ZNF276: variants seen among roughly 807,000 people sequenced by gnomAD.
ZNF276 encodes the protein zinc finger protein 276.
A neutral mutation model predicts 63.9 loss-of-function variants in ZNF276; 59 were observed. The ratio of observed to expected loss-of-function variants is 0.92; its 90% CI spans 0.75 to 1.15. The LOEUF is 1.15. ZNF276 is among the 50% of genes most tolerant of loss of function. The pLI is 0.00. For missense variants in ZNF276, 1,084 were observed against 843.8 expected (o/e 1.28, Z -3.53); for synonymous variants, 496 against 348.4 (o/e 1.42, Z -4.72).
intron 6 of ZNF276, chr16:89,731,841 A>G (rs1261028531): frequency 6.6e-6 from 1 of 152,234 alleles, no homozygotes; most frequent in Non-Finnish European, 1.5e-5. Flanking sequence ...ATAATTAATT[A>G]GGGTTTTTTG....
At chr16:89,724,708 G>A (rs1005282008) in intron 4 of ZNF276, among the ~76,000 whole-genome samples, 1 of 152,158 alleles carries the variant, frequency 6.6e-6, no homozygotes, top group East Asian at 1.9e-4. Flanking sequence ...GAGACAGTGC[G>A]GCTCGGGGGC....
chr16:89,720,877 A>G, upstream of ZNF276: 1 of 1,349,054 alleles, frequency 7.4e-7, no homozygotes, highest in Non-Finnish European at 9.5e-7. Flanking sequence ...CGAGCGGGGG[A>G]GGCGGCGGCG....
At chr16:89,734,076 C>G (rs1213205076) in intron 9 of ZNF276, 38 bp downstream of exon 9, 1 of 1,581,316 alleles carries the variant, frequency 6.3e-7, no homozygotes, top group Non-Finnish European at 8.7e-7. Context: ...CGGGTGACAG[C>G]CAGGGGCACG....
intron 9 of ZNF276, among the ~76,000 whole-genome samples, chr16:89,734,296 C>G (rs72807545): frequency 0.024 from 3,580 of 151,262 alleles, 76 homozygotes; most frequent in South Asian, 0.078. Context: ...GCCAAGCAAT[C>G]TTGGTGTCCT....
intron 4 of ZNF276, 58 bp from the exon 5 acceptor site, chr16:89,727,221 A>G (rs948952050): frequency 2.6e-6 from 4 of 1,538,306 alleles, no homozygotes; most frequent in Non-Finnish European, 3.6e-6. Flanking sequence ...GCCTCCTTGC[A>G]GGTGAGACCT....
chr16:89,737,803 C>T lies in ZNF276; in HGVS notation c.1475-3C>T, dbSNP rs755674705. 37 of 1,614,066 alleles carry T rather than the reference C, an allele frequency of 2.3e-5. No homozygotes were observed. Among genetic ancestry groups the T allele is most frequent in the Non-Finnish European group, 3.0e-5 (35 of 1,180,036 alleles). On this transcript the variant is annotated splice_polypyrimidine_tract_variant and splice_region_variant and intron_variant, in intron 9 of 10. Coordinates refer to ENST00000443381, the MANE Select transcript of ZNF276 (RefSeq NM_001113525.2). The stretch of plus-strand genomic sequence containing the variant: ...CTGGACTCACTGGACTCTCCCCTCT[C>T]AGAGGTGCGGAACTATATCTGTGAC...
chr16:89,737,212 G>A (rs1275581478), intron 9 of ZNF276, among the ~76,000 whole-genome samples: 4 of 152,296 alleles, frequency 2.6e-5, no homozygotes, highest in Admixed American at 2.6e-4. Flanking sequence ...TACAACCTTA[G>A]TGATACGGCT....
chr16:89,722,790 G>C lies in ZNF276; in HGVS notation c.465G>C (p.Gln155His), dbSNP rs1397373334. ...QCHSLLKSFL[Q>H]RVNASPAGRR... Reference sequence around the variant, plus strand: ...ACAGCCTTCTCAAGTCCTTCCTGCAGAGGGTCAACGCCTCCCCGGCTGGTC... The same window carrying C: ...ACAGCCTTCTCAAGTCCTTCCTGCACAGGGTCAACGCCTCCCCGGCTGGTC... The change falls in exon 2 of 11, where the codon CAG becomes CAC. Residue 155 changes from glutamine to histidine, a missense_variant. Coordinates refer to ENST00000443381, the MANE Select transcript of ZNF276 (RefSeq NM_001113525.2). The C allele has an allele frequency of 6.2e-7, 1 of 1,607,686 alleles. No homozygotes were observed. Among genetic ancestry groups the C allele is most frequent in the African/African-American group, 1.3e-5 (1 of 74,954 alleles).
At chr16:89,734,968 G>A (rs1047625776) in intron 9 of ZNF276, among the ~76,000 whole-genome samples, 1 of 152,152 alleles carries the variant, frequency 6.6e-6, no homozygotes, top group Non-Finnish European at 1.5e-5. Context: ...AGACCAGCCT[G>A]GCCAACATGG....
chr16:89,737,738 T>G (rs1327609120), intron 9 of ZNF276, 68 bp from the exon 10 acceptor site: 6 of 1,604,532 alleles, frequency 3.7e-6, no homozygotes, highest in Admixed American at 1.7e-5. Flanking sequence ...GGTTTCACAT[T>G]GTCATCGTCG....
upstream of ZNF276, chr16:89,721,191 C>T (rs1295393690): frequency 1.7e-5 from 4 of 235,240 alleles, no homozygotes; most frequent in Non-Finnish European, 3.3e-5. Flanking sequence ...ACCCCGGCCC[C>T]CCTCCCCTTT....
intron 9 of ZNF276, among the ~76,000 whole-genome samples, chr16:89,736,794 C>CTAAAAAA (rs1647999802): frequency 8.2e-5 from 2 of 24,328 alleles, no homozygotes; most frequent in African/African-American, 3.5e-4. Context: ...GACCCTGTCT[C>CTAAAAAA]CAAAAAAAAA....
At chr16:89,720,783 C>T (rs942362843), upstream of ZNF276, 10 of 1,458,748 alleles carry the variant, frequency 6.9e-6, no homozygotes, top group Non-Finnish European at 9.1e-6. Context: ...TTGCCGGTGT[C>T]CAGCTCGATG....
chr16:89,723,708 A>G lies in ZNF276; in HGVS notation c.1005A>G (p.Pro335=). Residue 335 remains proline (P), a splice_region_variant and synonymous_variant, in exon 4 of 11, where the codon CCA becomes CCG. Coordinates refer to ENST00000443381, the MANE Select transcript of ZNF276 (RefSeq NM_001113525.2). The part of the protein sequence containing the change: ...PQPSLPLCRA[P]GQLGEKQLPS... The stretch of plus-strand genomic sequence containing the variant: ...CAAGCCTGCCCCTTTGCAGGGCCCC[A>G]GGTAGGAGGCACCTCTTGCTGGTGC... The G allele has an allele frequency of 6.2e-7, 1 of 1,606,702 alleles. No individual in the cohort carries two copies. The highest frequency in any genetic ancestry group is 8.5e-7 in the Non-Finnish European group (1 of 1,176,100).
chr16:89,735,895 G>GTTTTT lies in ZNF276; in HGVS notation c.1474+1860_1474+1861insTTTTT, dbSNP rs202205113. 7.0e-5 allele frequency among the ~76,000 whole-genome samples: 10 copies of GTTTTT among 142,886 alleles called. 2 individuals are homozygous for GTTTTT. Among genetic ancestry groups the GTTTTT allele is most frequent in the South Asian group, 2.3e-4 (1 of 4,406 alleles). 93.7% of individuals were successfully genotyped at this position (142,886 alleles called of 152,430 possible). On this transcript the variant is annotated intron_variant, in intron 9 of 10. Transcript: ENST00000443381. Reference sequence around the variant, plus strand: ...ACGCCGGGGGTGTTTTTTTTTGTTTGTTTGTTTGTTTTTTTGACTGAGTCT... The same window carrying GTTTTT: ...ACGCCGGGGGTGTTTTTTTTTGTTTGTTTTTTTTGTTTGTTTTTTTGACTGAGTCT...
intron 4 of ZNF276, among the ~76,000 whole-genome samples, chr16:89,726,624 C>T (rs1175049229): frequency 6.6e-6 from 1 of 151,886 alleles, no homozygotes; most frequent in Non-Finnish European, 1.5e-5. Context: ...AGCCACTGCA[C>T]CCGGACTGAG....
intron 4 of ZNF276, among the ~76,000 whole-genome samples, chr16:89,726,067 G>A (rs1231873483): frequency 6.6e-6 from 1 of 152,240 alleles, no homozygotes; most frequent in Non-Finnish European, 1.5e-5. Flanking sequence ...CCAGGCTCGA[G>A]TGCAGTGGCA....
intron 4 of ZNF276, 75 bp downstream of exon 4, chr16:89,723,784 A>C: frequency 7.0e-7 from 1 of 1,432,762 alleles, no homozygotes; most frequent in Admixed American, 2.1e-5. Flanking sequence ...GCAGAAAGTG[A>C]ATGTCTCCAC....
Position 89,733,412 on chromosome 16 carries a change from GGT to G in ZNF276, c.1280+2_1280+3del, listed in dbSNP as rs1308943390. 1 of 1,614,068 alleles carries G rather than the reference GGT, an allele frequency of 6.2e-7. No individual in the cohort carries two copies. On this transcript the variant is annotated splice_donor_variant, in intron 7 of 10. Coordinates refer to ENST00000443381, the MANE Select transcript of ZNF276 (RefSeq NM_001113525.2). LOFTEE classifies it high-confidence loss of function. Reference sequence around the variant, plus strand: ...TGGAAGAAGAAGCTTCGTTGTGAGAGGTGATGCCTGCAACGCGAGGCTCGCCC... The same window carrying G: ...TGGAAGAAGAAGCTTCGTTGTGAGAGGATGCCTGCAACGCGAGGCTCGCCC...
Sources: gnomAD v4.1 joint callset for allele counts (sites outside exome capture counted in the v4.1 genomes callset) on GRCh38, gnomAD v4.1.1 for gene constraint, MANE v1.5 for transcripts, NCBI Gene and HGNC (gene_info 2026-07-23, HGNC 2026-07-21) for gene names.